Variants in SDC2 observed in about 807,000 individuals in gnomAD.
The protein encoded by SDC2 is syndecan-2.
SDC2 carries 13 observed loss-of-function variants against 22.2 expected under a neutral mutation model. That is an observed-to-expected ratio of 0.59 (90% CI 0.38 to 0.93). The LOEUF is 0.93. Ranked by LOEUF, SDC2 falls within the 40% of genes least tolerant of loss-of-function variation. The pLI is 0.00. For synonymous variants in SDC2, 94 were observed against 92.8 expected (o/e 1.01, Z -0.07); for missense variants, 235 against 246.8 (o/e 0.95, Z 0.32).
Position 96,496,373 on chromosome 8 carries a change from C to G in SDC2, c.60+2042C>G, listed in dbSNP as rs556682877. On this transcript the variant is annotated intron_variant, in intron 1 of 4. Coordinates refer to ENST00000302190, the MANE Select transcript of SDC2 (RefSeq NM_002998.4). Reference sequence around the variant, plus strand: ...GTGAACTGCTTCATTGTGATAGACACTGTTTTCAGTAATTGGAAAATCATC... The same window carrying G: ...GTGAACTGCTTCATTGTGATAGACAGTGTTTTCAGTAATTGGAAAATCATC... 5.9e-5 allele frequency among the ~76,000 whole-genome samples: 9 copies of G among 152,274 alleles called. No individual in the cohort carries two copies. In the South Asian group the frequency reaches 1.5e-3, roughly 25 times the overall value.
chr8:96,518,549 C>CG (rs1331965081), intron 1 of SDC2, among the ~76,000 whole-genome samples: 18 of 151,992 alleles, frequency 1.2e-4, no homozygotes, highest in Non-Finnish European at 1.5e-5. Context: ...TTAGTAGAGA[C>CG]AGGTTTCACC....
intron 1 of SDC2, among the ~76,000 whole-genome samples, chr8:96,555,087 CT>C (rs1230100819): frequency 1.3e-5 from 2 of 151,966 alleles, no homozygotes; most frequent in African/African-American, 4.8e-5. Flanking sequence ...GCTTGGAACT[CT>C]TTTTCTGCAG....
chr8:96,593,455 G>A, intron 1 of SDC2, 25 bp from the exon 2 acceptor site: 1 of 1,496,630 alleles, frequency 6.7e-7, no homozygotes. Flanking sequence ...TCAACATCCT[G>A]ACTCCCTTGT....
chr8:96,565,097 T>TTTTTG (rs1329448270), intron 1 of SDC2, among the ~76,000 whole-genome samples: 1 of 128,628 alleles, frequency 7.8e-6, no homozygotes, highest in African/African-American at 3.2e-5. Flanking sequence ...TTTTTTTTTT[T>TTTTTG]TTGTTGAGAT....
intron 1 of SDC2, 28 bp downstream of exon 1, chr8:96,494,359 C>T (rs1813013805): frequency 5.2e-6 from 8 of 1,535,816 alleles, no homozygotes; most frequent in Non-Finnish European, 7.0e-6. Context: ...AGGATGCGCG[C>T]GCCGTTTAGG....
At chr8:96,584,110 G>C (rs763463683) in intron 1 of SDC2, among the ~76,000 whole-genome samples, 2 of 152,182 alleles carry the variant, frequency 1.3e-5, no homozygotes, top group Non-Finnish European at 2.9e-5. Context: ...AATAGTCAAG[G>C]CTTCTTTTTA....
chr8:96,517,801 GTA>G (rs749368466), intron 1 of SDC2, among the ~76,000 whole-genome samples: 8,889 of 103,306 alleles, frequency 0.086, 356 homozygotes, highest in Non-Finnish European at 0.14. Flanking sequence ...GTGTGTGTGT[GTA>G]TATATATATG....
chr8:96,575,855 C>T (rs932104193), intron 1 of SDC2, among the ~76,000 whole-genome samples: 16 of 152,118 alleles, frequency 1.1e-4, no homozygotes, highest in African/African-American at 3.9e-4. Context: ...TTTGTTTTCC[C>T]AATGAAAGTG....
At chr8:96,496,853 G>C (rs2130411534) in intron 1 of SDC2, among the ~76,000 whole-genome samples, 2 of 152,282 alleles carry the variant, frequency 1.3e-5, no homozygotes, top group African/African-American at 4.8e-5. Context: ...ATGGATCCTG[G>C]AGGCAGCTGG....
intron 1 of SDC2, among the ~76,000 whole-genome samples, chr8:96,591,438 GC>G (rs770042556): frequency 6.6e-6 from 1 of 152,052 alleles, no homozygotes; most frequent in Non-Finnish European, 1.5e-5. Context: ...TCAGTCCAAG[GC>G]CAATTTGGTT....
At chr8:96,583,721 A>G (rs2319694) in intron 1 of SDC2, among the ~76,000 whole-genome samples, 15,388 of 125,020 alleles carry the variant, frequency 0.12, 976 homozygotes, top group East Asian at 0.24. Flanking sequence ...GTGTGTGTAT[A>G]TATATATATG....
intron 1 of SDC2, among the ~76,000 whole-genome samples, chr8:96,544,668 C>T (rs533012205): frequency 1.8e-4 from 27 of 152,290 alleles, no homozygotes; most frequent in African/African-American, 6.5e-4. Context: ...TCTCATTCAT[C>T]TTGGTGTCCC....
chr8:96,500,641 G>T (rs762671214), intron 1 of SDC2, among the ~76,000 whole-genome samples: 1 of 130,068 alleles, frequency 7.7e-6, no homozygotes, highest in Non-Finnish European at 1.5e-5. Context: ...CAGCCTGGGC[G>T]ACAGAGTGAG....
intron 1 of SDC2, among the ~76,000 whole-genome samples, chr8:96,506,520 A>G (rs1813241343): frequency 1.3e-5 from 2 of 152,126 alleles, no homozygotes; most frequent in Admixed American, 1.3e-4. Flanking sequence ...TCTGTTGCCC[A>G]GGCTGCAGTG....
At chr8:96,541,305 G>C (rs1197520429) in intron 1 of SDC2, among the ~76,000 whole-genome samples, 1 of 151,900 alleles carries the variant, frequency 6.6e-6, no homozygotes, top group African/African-American at 2.4e-5. Flanking sequence ...GTGTGCGTCT[G>C]TAGTCCCAGC....
At chr8:96,596,751 G>C (rs546397854) in intron 2 of SDC2, among the ~76,000 whole-genome samples, 1 of 152,310 alleles carries the variant, frequency 6.6e-6, no homozygotes, top group African/African-American at 2.4e-5. Flanking sequence ...AAAGAATTGG[G>C]CATGAACTCA....
intron 1 of SDC2, among the ~76,000 whole-genome samples, chr8:96,580,751 T>C (rs76474657): frequency 0.046 from 6,951 of 152,260 alleles, 243 homozygotes; most frequent in Non-Finnish European, 0.067. Context: ...GGTGCTTTCA[T>C]TCTAAAAGAG....
intron 1 of SDC2, among the ~76,000 whole-genome samples, chr8:96,551,309 T>C (rs1318957951): frequency 6.6e-6 from 1 of 152,166 alleles, no homozygotes; most frequent in Non-Finnish European, 1.5e-5. Context: ...ATTTTCCTAA[T>C]CGAAACTCAC....
chr8:96,609,629 G>T lies in SDC2; in HGVS notation c.*81G>T. 1 of 1,028,564 alleles carries T rather than the reference G, an allele frequency of 9.7e-7. No homozygotes were observed. Among genetic ancestry groups the T allele is most frequent in the Non-Finnish European group, 1.3e-6 (1 of 755,236 alleles). The allele number at this position is 1,028,564 out of a possible 1,614,324, so 63.7% of individuals were successfully genotyped here. A position where few individuals can be genotyped will look rare whatever the true frequency, so the allele number is the denominator to read the frequency against. ...TTTGCATAGAATAATGAAGATCTTT[G>T]TTTTTTGTTTTCATTAAAGAGCCAT... is the stretch of plus-strand genomic sequence containing the variant. On this transcript the variant is annotated 3_prime_UTR_variant, in exon 5 of 5. Coordinates refer to ENST00000302190, the MANE Select transcript of SDC2 (RefSeq NM_002998.4).
Sources: gnomAD v4.1 joint callset for allele counts (sites outside exome capture counted in the v4.1 genomes callset) on GRCh38, gnomAD v4.1.1 for gene constraint, MANE v1.5 for transcripts, NCBI Gene and HGNC (gene_info 2026-07-23, HGNC 2026-07-21) for gene names.